The following HPSE2 variants were observed in gnomAD, a reference collection of about 807,000 sequenced individuals.
The protein encoded by HPSE2 is inactive heparanase-2.
In HPSE2, 38 loss-of-function variants were observed where a neutral mutation model predicts 60.5. That is an observed-to-expected ratio of 0.63 (90% CI 0.48 to 0.82). HPSE2 has a LOEUF of 0.82. Ranked by LOEUF, HPSE2 falls within the 40% of genes least tolerant of loss-of-function variation. HPSE2 has a pLI of 0.00. For synonymous variants in HPSE2, 295 were observed against 293.2 expected (o/e 1.01, Z -0.06); for missense variants, 713 against 740.4 (o/e 0.96, Z 0.43).
chr10:98,598,435 G>A (rs995405147), intron 9 of HPSE2, among the ~76,000 whole-genome samples: 1 of 152,068 alleles, frequency 6.6e-6, no homozygotes, highest in Non-Finnish European at 1.5e-5. Context: ...TGTATCTGTG[G>A]GGATGAACCT....
chr10:99,264,319 C>T, the HPSE2 span, among the ~76,000 whole-genome samples: 1 of 152,006 alleles, frequency 6.6e-6, no homozygotes, highest in African/African-American at 2.4e-5. Flanking sequence ...GATCTCCTGA[C>T]CTTGTGATCC....
chr10:98,595,540 T>C (rs1044429918), intron 9 of HPSE2, among the ~76,000 whole-genome samples: 1 of 152,242 alleles, frequency 6.6e-6, no homozygotes, highest in Non-Finnish European at 1.5e-5. Context: ...ACTATTTTTA[T>C]ATATTGGTTT....
At chr10:98,653,674 T>A (rs986024144) in intron 6 of HPSE2, among the ~76,000 whole-genome samples, 2 of 152,076 alleles carry the variant, frequency 1.3e-5, no homozygotes, top group African/African-American at 4.8e-5. Context: ...TTCATTTCCC[T>A]TATATATATG....
At chr10:98,962,351 G>C (rs1234724696) in intron 3 of HPSE2, among the ~76,000 whole-genome samples, 1 of 149,484 alleles carries the variant, frequency 6.7e-6, no homozygotes, top group Admixed American at 6.7e-5. Context: ...CCATTTTCAC[G>C]ATATTGATTC....
chr10:98,591,685 T>G (rs992174266), intron 9 of HPSE2, among the ~76,000 whole-genome samples: 1 of 146,590 alleles, frequency 6.8e-6, no homozygotes, highest in African/African-American at 2.4e-5. Context: ...ATAAAATAAA[T>G]AAATAAATCA....
At position 99,186,127 on chromosome 10, in the gene HPSE2, C is replaced by CACACACACACACAT. The variant is rs1554912876; in HGVS notation, c.449-41729_449-41728insATGTGTGTGTGTGT. Among the ~76,000 whole-genome samples the CACACACACACACAT allele has an allele frequency of 2.6e-4, 38 of 147,558 alleles. 1 individual carries two copies. Among genetic ancestry groups the CACACACACACACAT allele is most frequent in the Admixed American group, 1.4e-3 (20 of 14,562 alleles). ...AACCACACACACACACACACACACA[C>CACACACACACACAT]ACACACACACACACACACACACACA... On this transcript the variant is annotated intron_variant, in intron 2 of 11. Transcript: ENST00000370552.
At chr10:99,211,746 C>T (rs534739048) in intron 2 of HPSE2, among the ~76,000 whole-genome samples, 15 of 152,126 alleles carry the variant, frequency 9.9e-5, no homozygotes, top group Non-Finnish European at 2.1e-4. Flanking sequence ...AGACCTGAAA[C>T]TATAAAACTA....
In HPSE2 at chr10:99,066,959, C is replaced by T. The variant is rs539397008; in HGVS notation, c.610+77279G>A. On this transcript the variant is annotated intron_variant, in intron 3 of 11. Coordinates refer to ENST00000370552, the MANE Select transcript of HPSE2 (RefSeq NM_021828.5). ...AAATCAAAAGCAAGTTAGTTACTTCCTAGATACAATGAGGGTACAGGCATT... is the reference window on the plus strand; with the variant it reads ...AAATCAAAAGCAAGTTAGTTACTTCTTAGATACAATGAGGGTACAGGCATT... Among the ~76,000 whole-genome samples, 17 of 152,286 alleles carry T rather than the reference C, an allele frequency of 1.1e-4. No homozygotes were observed. In the South Asian group the frequency reaches 3.5e-3, roughly 32 times the overall value.
At position 98,550,302 on chromosome 10, in the gene HPSE2, TC is replaced by T. The variant is rs1242628563; in HGVS notation, c.1321-60107del. Reference sequence around the variant, plus strand: ...TTAATGCTTAGCATTTTTTTTTTTTTCGAGATGGGTTCTCTCTCTGTCACCC... The same window carrying T: ...TTAATGCTTAGCATTTTTTTTTTTTTGAGATGGGTTCTCTCTCTGTCACCC... On this transcript the variant is annotated intron_variant, in intron 9 of 11. Transcript: ENST00000370552. Among the ~76,000 whole-genome samples, 1,123 of 136,612 alleles carry T rather than the reference TC, an allele frequency of 8.2e-3. 10 individuals carry two copies. The highest frequency in any genetic ancestry group is 0.028 in the African/African-American group (1,065 of 37,596). 89.6% of individuals were successfully genotyped at this position (136,612 alleles called of 152,430 possible). A position where few individuals can be genotyped will look rare whatever the true frequency, so the allele number is the denominator to read the frequency against.
At chr10:99,293,837 C>T in the HPSE2 span, among the ~76,000 whole-genome samples, 1 of 152,132 alleles carries the variant, frequency 6.6e-6, no homozygotes, top group African/African-American at 2.4e-5. Context: ...ATGTGCAGGG[C>T]ATGGCCTACA....
intron 2 of HPSE2, among the ~76,000 whole-genome samples, chr10:99,188,933 C>T (rs560243261): frequency 1.3e-5 from 2 of 152,296 alleles, no homozygotes; most frequent in East Asian, 3.9e-4. Context: ...CTGCAAGAGT[C>T]CTGTTCCTCC....
chr10:98,615,878 T>C (rs1945893126), intron 8 of HPSE2, among the ~76,000 whole-genome samples: 1 of 152,234 alleles, frequency 6.6e-6, no homozygotes, highest in Non-Finnish European at 1.5e-5. Context: ...ATATGAAAGA[T>C]AAGGCATTTC....
intron 3 of HPSE2, among the ~76,000 whole-genome samples, chr10:98,889,418 G>A (rs1254978481): frequency 6.7e-6 from 1 of 150,250 alleles, no homozygotes; most frequent in African/African-American, 2.5e-5. Context: ...TTGTTGCCCA[G>A]GCTGGTCACA....
rs187285716 is a variant in HPSE2 at position 98,865,723 on chromosome 10, G to A, written c.611-121667C>T. 5.3e-5 allele frequency among the ~76,000 whole-genome samples: 8 copies of A among 152,184 alleles called. No individual in the cohort carries two copies. The East Asian group carries it at 1.2e-3, about 22-fold the overall frequency. The stretch of plus-strand genomic sequence containing the variant: ...GTAGAGAATCATCTGAAAGTTATAA[G>A]GAATAATGTGTTCTACAAGACTGAA... On this transcript the variant is annotated intron_variant, in intron 3 of 11. Transcript: ENST00000370552.
At chr10:99,295,495 A>G in the HPSE2 span, among the ~76,000 whole-genome samples, 1 of 152,218 alleles carries the variant, frequency 6.6e-6, no homozygotes, top group South Asian at 2.1e-4. Context: ...ACACACTCAC[A>G]GTTATTATTC....
intron 7 of HPSE2, among the ~76,000 whole-genome samples, chr10:98,632,017 A>G (rs1946377702): frequency 6.6e-6 from 1 of 152,088 alleles, no homozygotes; most frequent in Non-Finnish European, 1.5e-5. Flanking sequence ...AGCCTTCCTA[A>G]TCCTGGGTGG....
intron 2 of HPSE2, among the ~76,000 whole-genome samples, chr10:99,181,397 C>CAAAAA (rs58049545): frequency 2.9e-5 from 3 of 104,764 alleles, no homozygotes; most frequent in African/African-American, 5.4e-5. Context: ...GACTCCGTCT[C>CAAAAA]AAAAAAAAAA....
chr10:98,673,133 A>T (rs1156763470), intron 6 of HPSE2, among the ~76,000 whole-genome samples: 2 of 152,194 alleles, frequency 1.3e-5, no homozygotes, highest in Non-Finnish European at 2.9e-5. Flanking sequence ...TCCCAAATGA[A>T]TAACTGTCTG....
At chr10:98,663,794 T>C (rs1384874781) in intron 6 of HPSE2, among the ~76,000 whole-genome samples, 1 of 152,132 alleles carries the variant, frequency 6.6e-6, no homozygotes, top group African/African-American at 2.4e-5. Flanking sequence ...CCACAGGCCT[T>C]GGATCCTTGA....
Sources: allele counts gnomAD v4.1 joint callset (sites outside exome capture counted in the v4.1 genomes callset), GRCh38; gene constraint gnomAD v4.1.1; transcripts MANE v1.5; gene names NCBI Gene and HGNC (gene_info 2026-07-23, HGNC 2026-07-21).